WWOX: variants seen among roughly 807,000 people sequenced by gnomAD.
WWOX encodes the protein WW domain-containing oxidoreductase.
Under a neutral mutation model 46.2 loss-of-function variants are expected in WWOX, and 69 were observed. The observed-to-expected ratio is 1.49, with a 90% CI of 1.23 to 1.82. WWOX has a LOEUF of 1.82. Ranked by LOEUF, WWOX falls within the 40% of genes most tolerant of loss-of-function variation. The pLI, the probability that WWOX is intolerant of heterozygous loss-of-function variation, is 0.00. For synonymous variants in WWOX, 359 were observed against 202.6 expected (o/e 1.77, Z -6.56); for missense variants, 919 against 542.6 (o/e 1.69, Z -6.89).
At chr16:78,623,734 C>CAA (rs10543154) in intron 8 of WWOX, among the ~76,000 whole-genome samples, 30 of 141,850 alleles carry the variant, frequency 2.1e-4, no homozygotes, top group Non-Finnish European at 2.8e-4. Flanking sequence ...GACTCTGTCT[C>CAA]AAAAAAAAAA....
At chr16:78,261,387 A>G (rs1021242292) in intron 5 of WWOX, among the ~76,000 whole-genome samples, 4 of 147,894 alleles carry the variant, frequency 2.7e-5, no homozygotes, top group African/African-American at 1.0e-4. Flanking sequence ...CCTAGGCGAC[A>G]GAGCAAGACC....
At chr16:78,627,962 G>A (rs1304897527) in intron 8 of WWOX, among the ~76,000 whole-genome samples, 1 of 152,222 alleles carries the variant, frequency 6.6e-6, no homozygotes, top group Non-Finnish European at 1.5e-5. Context: ...TGAGAGCTCT[G>A]TTGACAAACT....
intron 5 of WWOX, among the ~76,000 whole-genome samples, chr16:78,176,249 A>G (rs966463355): frequency 6.6e-6 from 1 of 152,170 alleles, no homozygotes; most frequent in Non-Finnish European, 1.5e-5. Context: ...GTTATTGAAG[A>G]TATTGGGATA....
rs778165040 is a variant in WWOX at position 78,639,820 on chromosome 16, C to T, written c.1056+207068C>T. On this transcript the variant is annotated intron_variant, in intron 8 of 8. Coordinates refer to ENST00000566780, the MANE Select transcript of WWOX (RefSeq NM_016373.4). The stretch of plus-strand genomic sequence containing the variant: ...ACCTCAGGTGATCCACCTGCCCCAG[C>T]CTCCCACAGTGTTGGGATCACAGGT... Among the ~76,000 whole-genome samples the T allele has an allele frequency of 6.6e-5, 10 of 152,286 alleles. No homozygotes were observed. The East Asian group carries it at 1.9e-3, about 29-fold the overall frequency.
intron 8 of WWOX, among the ~76,000 whole-genome samples, chr16:78,587,076 AGTGCAGTGGC>A (rs2045225445): frequency 6.6e-6 from 1 of 151,414 alleles, no homozygotes. Context: ...CCCAGGCTGG[AGTGCAGTGGC>A]GTGATCACAG....
At chr16:78,945,668 T>C (rs890509426) in intron 8 of WWOX, among the ~76,000 whole-genome samples, 1 of 152,204 alleles carries the variant, frequency 6.6e-6, no homozygotes, top group Non-Finnish European at 1.5e-5. Context: ...TTGGCATCTT[T>C]TTTTCTTTGA....
At chr16:78,651,076 G>C (rs942278314) in intron 8 of WWOX, among the ~76,000 whole-genome samples, 1 of 152,224 alleles carries the variant, frequency 6.6e-6, no homozygotes, top group Middle Eastern at 3.2e-3. Flanking sequence ...TTCAACTGTT[G>C]TATTCACGAG....
chr16:78,882,527 C>T (rs547365825), intron 8 of WWOX, among the ~76,000 whole-genome samples: 22 of 150,716 alleles, frequency 1.5e-4, no homozygotes, highest in Non-Finnish European at 2.4e-4. Context: ...CCCAGGCTGG[C>T]GTGCATTGGT....
rs1491284043 is a variant in WWOX, at chr16:78,562,997, TTA to T, written c.1056+130246_1056+130247del. Among the ~76,000 whole-genome samples the T allele has an allele frequency of 3.6e-4, 55 of 152,242 alleles. 1 individual carries two copies. Among genetic ancestry groups the T allele is most frequent in the Non-Finnish European group, 4.4e-5 (3 of 68,014 alleles). On this transcript the variant is annotated intron_variant, in intron 8 of 8. Coordinates refer to ENST00000566780, the MANE Select transcript of WWOX (RefSeq NM_016373.4). Reference sequence around the variant, plus strand: ...GCTTTACAGATGTTCTTTTTTTTTTTTAATCCCTCCCCCTATCTTTCTTTCTT... The same window carrying T: ...GCTTTACAGATGTTCTTTTTTTTTTTATCCCTCCCCCTATCTTTCTTTCTT...
chr16:79,128,555 G>C (rs916791743), intron 8 of WWOX, among the ~76,000 whole-genome samples: 4 of 152,116 alleles, frequency 2.6e-5, no homozygotes, highest in African/African-American at 4.8e-5. Flanking sequence ...TTGGACCCAG[G>C]TTAACTTTAA....
chr16:78,259,402 C>A (rs12932788), intron 5 of WWOX, among the ~76,000 whole-genome samples: 8,659 of 152,278 alleles, frequency 0.057, 369 homozygotes, highest in East Asian at 0.2. Context: ...TCTCGGCTGA[C>A]TGCAACCTCT....
intron 8 of WWOX, among the ~76,000 whole-genome samples, chr16:79,015,615 C>T (rs949322836): frequency 3.9e-5 from 6 of 152,124 alleles, no homozygotes; most frequent in African/African-American, 7.2e-5. Context: ...ATATCTGCAA[C>T]CAGAGTTGGA....
chr16:78,445,993 T>C (rs1469948221), intron 8 of WWOX, among the ~76,000 whole-genome samples: 1 of 152,196 alleles, frequency 6.6e-6, no homozygotes, highest in Non-Finnish European at 1.5e-5. Context: ...TTGGCTGAAA[T>C]AGTCAAATGC....
chr16:79,039,392 C>A (rs1170908182), intron 8 of WWOX, among the ~76,000 whole-genome samples: 1 of 152,088 alleles, frequency 6.6e-6, no homozygotes, highest in Non-Finnish European at 1.5e-5. Context: ...GACCCCCTTC[C>A]CCCATAGGAA....
rs1567625662 is a variant in WWOX, at chr16:79,211,905, G to GT, written c.*110dup. ...GTCCCTCCAACACAGATCCGCAAGA[G>GT]TAAAGGAAATAAGAGCAGTCACAAC... On this transcript the variant is annotated 3_prime_UTR_variant, in exon 9 of 9. Coordinates refer to ENST00000566780, the MANE Select transcript of WWOX (RefSeq NM_016373.4). 1 of 1,554,828 alleles carries GT rather than the reference G, an allele frequency of 6.4e-7. No individual in the cohort carries two copies. Among genetic ancestry groups the GT allele is most frequent in the South Asian group, 1.2e-5 (1 of 85,856 alleles).
chr16:78,923,815 TTTC>T (rs2045435923), intron 8 of WWOX, among the ~76,000 whole-genome samples: 1 of 147,644 alleles, frequency 6.8e-6, no homozygotes, highest in Non-Finnish European at 1.5e-5. Context: ...TTTTTTTTTT[TTTC>T]AGACGGAGTC....
intron 8 of WWOX, among the ~76,000 whole-genome samples, chr16:78,798,491 G>A (rs1441280586): frequency 6.6e-6 from 1 of 151,428 alleles, no homozygotes; most frequent in African/African-American, 2.4e-5. Context: ...AGAAATTATT[G>A]TACAGCCTGT....
chr16:78,699,905 C>T (rs1291221885), intron 8 of WWOX, among the ~76,000 whole-genome samples: 2 of 152,088 alleles, frequency 1.3e-5, no homozygotes, highest in Admixed American at 6.6e-5. Context: ...GGCATTGTCC[C>T]GTCCCTATGA....
chr16:78,996,865 A>G (rs1274111342), intron 8 of WWOX, among the ~76,000 whole-genome samples: 2 of 152,224 alleles, frequency 1.3e-5, no homozygotes, highest in Admixed American at 6.5e-5. Context: ...CACATGTGCC[A>G]TAAATGCTGC....
Sources: gnomAD v4.1 joint callset for allele counts (sites outside exome capture counted in the v4.1 genomes callset) on GRCh38, gnomAD v4.1.1 for gene constraint, MANE v1.5 for transcripts, NCBI Gene and HGNC (gene_info 2026-07-23, HGNC 2026-07-21) for gene names.